Variants in WNK2 observed in about 807,000 individuals in gnomAD.
WNK2 encodes serine/threonine-protein kinase WNK2.
A neutral mutation model predicts 192.1 loss-of-function variants in WNK2; 67 were observed. The ratio of observed to expected loss-of-function variants is 0.35; its 90% confidence interval spans 0.29 to 0.43. The LOEUF (loss-of-function observed/expected upper bound fraction) is 0.43. WNK2 is among the 20% of genes least tolerant of loss of function. WNK2 has a pLI of 1.00. For synonymous variants in WNK2, 1,439 were observed against 1,393.9 expected (o/e 1.03, Z -0.72); for missense variants, 2,698 against 3,089.7 (o/e 0.87, Z 3.01).
At position 93,262,038 on chromosome 9, in the gene WNK2, G is replaced by A. The variant is rs551541572; in HGVS notation, c.3291G>A (p.Pro1097=). Residue 1097 remains proline (P), a synonymous_variant, in exon 13 of 30, where the codon CCG becomes CCA. Coordinates refer to ENST00000427277, the MANE Select transcript of WNK2 (RefSeq NM_006648.4). ...TATLLPPANP[P]LPGGPGIASP... ...CACTTCTGCCACCAGCAAACCCACCGCTGCCTGGCGGGCCCGGGATCGCCA... is the reference window on the plus strand; with the variant it reads ...CACTTCTGCCACCAGCAAACCCACCACTGCCTGGCGGGCCCGGGATCGCCA... The A allele has an allele frequency of 2.2e-5, 36 of 1,610,474 alleles. No individual in the cohort carries two copies. Among genetic ancestry groups the A allele is most frequent in the Non-Finnish European group, 2.8e-5 (33 of 1,178,358 alleles).
chr9:93,249,464 CA>C (rs140487471), intron 8 of WNK2, among the ~76,000 whole-genome samples: 2,350 of 152,228 alleles, frequency 0.015, 66 homozygotes, highest in African/African-American at 0.054. Context: ...CCATGCTTCT[CA>C]AAAACACTTT....
chr9:93,263,597 G>C lies in WNK2; in HGVS notation c.3442G>C (p.Glu1148Gln), dbSNP rs1844641936. 6.2e-7 allele frequency: 1 copy of C among 1,611,182 alleles called. No individual in the cohort carries two copies. Among genetic ancestry groups the C allele is most frequent in the South Asian group, 1.1e-5 (1 of 90,324 alleles). The change falls in exon 15 of 30, where the codon GAG (glutamate) becomes CAG (glutamine). Residue 1148 changes from glutamate (E) to glutamine (Q), a missense_variant. Physicochemically the swap from Glu to Gln is conservative, Grantham distance 29 (BLOSUM62 2). Around this residue, in one of 7 missense-constraint regions of WNK2, gnomAD observed 893 missense variants for 909.0 expected, o/e 0.98. Coordinates refer to ENST00000427277, the MANE Select transcript of WNK2 (RefSeq NM_006648.4). ...AGGTTCTGATGTCACTTCTGGAAAAGAGCTGAGTGACAGCTGTGAAGGCGC... is the reference window on the plus strand; with the variant it reads ...AGGTTCTGATGTCACTTCTGGAAAACAGCTGAGTGACAGCTGTGAAGGCGC... ...YGGSDVTSGK[E>Q]LSDSCEGAFG...
intron 2 of WNK2, among the ~76,000 whole-genome samples, chr9:93,217,675 C>T (rs1346774038): frequency 1.3e-5 from 2 of 152,222 alleles, no homozygotes; most frequent in Non-Finnish European, 2.9e-5. Flanking sequence ...CTGGGGCCAT[C>T]TGTTGGTGCC....
intron 23 of WNK2, among the ~76,000 whole-genome samples, chr9:93,295,284 C>T (rs888108818): frequency 4.6e-5 from 7 of 152,196 alleles, no homozygotes; most frequent in Middle Eastern, 3.4e-3. Flanking sequence ...CGCTCCCCTG[C>T]CCACGCAGCC....
At position 93,317,599 on chromosome 9, in the gene WNK2, G is replaced by A. The variant is rs1394178350; in HGVS notation, c.6596G>A (p.Gly2199Glu). ...CCTCTGTCCACCACGGTCATTCCCG[G>A]AGCCGCCCCGACCCTGTCCGTGCCC... ...PGPLSTTVIP[G>E]AAPTLSVPTP... Residue 2199 changes from glycine (G) to glutamate (E), a missense_variant, in exon 29 of 30, where the codon GGA (glycine) becomes GAA (glutamate). By Grantham distance (98) the Gly-to-Glu change is moderately conservative (BLOSUM62 -2). Around this residue, in one of 7 missense-constraint regions of WNK2, gnomAD observed 167 missense variants for 184.2 expected, o/e 0.91. Transcript: ENST00000427277. 2 of 1,613,152 alleles carry A rather than the reference G, an allele frequency of 1.2e-6. No homozygotes were observed. The highest frequency in any genetic ancestry group is 1.7e-6 in the Non-Finnish European group (2 of 1,179,852).
In WNK2 at chr9:93,186,081, A is replaced by G. The variant is rs114805494; in HGVS notation, c.681+471A>G. 7.0e-3 allele frequency among the ~76,000 whole-genome samples: 1,060 copies of G among 151,936 alleles called. 12 individuals carry two copies. The highest frequency in any genetic ancestry group is 0.025 in the African/African-American group (1,018 of 41,366). ...GGCTCTGGGCTGCCCATAAATTAGT[A>G]CTTTCCTGTGTCCAGCAAGCCGTGG... On this transcript the variant is annotated intron_variant, in intron 2 of 29. Transcript: ENST00000427277.
intron 5 of WNK2, 65 bp from the exon 6 acceptor site, chr9:93,238,168 C>T: frequency 6.8e-7 from 1 of 1,469,512 alleles, no homozygotes; most frequent in South Asian, 1.1e-5. Context: ...GTTCCTCCCA[C>T]TGTGGTGGAG....
At chr9:93,262,555 G>C in intron 13 of WNK2, 115 bp from the exon 14 acceptor site, 1 of 1,151,336 alleles carries the variant, frequency 8.7e-7, no homozygotes, top group East Asian at 2.5e-5. Context: ...GGAGAACGCA[G>C]CGGGGCAGGC....
intron 17 of WNK2, 33 bp downstream of exon 17, chr9:93,267,949 G>T (rs781725732): frequency 1.2e-6 from 2 of 1,609,816 alleles, no homozygotes; most frequent in South Asian, 2.2e-5. Flanking sequence ...GGGAGGTGGT[G>T]AGAGTGCAGT....
chr9:93,256,084 G>C (rs984224588), intron 9 of WNK2, among the ~76,000 whole-genome samples: 1 of 152,136 alleles, frequency 6.6e-6, no homozygotes, highest in Admixed American at 6.5e-5. Flanking sequence ...TGATGTGCCC[G>C]GGCACCCCTG....
chr9:93,235,592 C>T (rs1237138592), intron 5 of WNK2, among the ~76,000 whole-genome samples: 1 of 152,238 alleles, frequency 6.6e-6, no homozygotes, highest in Non-Finnish European at 1.5e-5. Flanking sequence ...GGAGGGAATG[C>T]AAACAGAACA....
intron 4 of WNK2, 131 bp from the exon 5 acceptor site, chr9:93,234,677 G>A (rs1839503681): frequency 3.7e-6 from 4 of 1,076,724 alleles, no homozygotes; most frequent in Non-Finnish European, 5.3e-6. Context: ...TGGGGTCCAG[G>A]TGTTCTGAGT....
At position 93,299,251 on chromosome 9, in the gene WNK2, G is replaced by T; in HGVS notation, c.6105G>T (p.Ala2035=). The T allele has an allele frequency of 1.9e-6, 3 of 1,566,942 alleles. No individual in the cohort carries two copies. The change falls in exon 25 of 30, where the codon GCG becomes GCT. Residue 2035 remains alanine, a synonymous_variant. Transcript: ENST00000427277. The part of the protein sequence containing the change: ...CSGLASDGGG[A]RGQGWTVYHP... The stretch of plus-strand genomic sequence containing the variant: ...GCTTAGCCAGTGATGGAGGCGGAGC[G>T]CGTGGCCAAGGTGATTTCCAGCTTG...
In WNK2 at chr9:93,308,176, C is replaced by T. The variant is rs1852955594; in HGVS notation, c.6260-152C>T. 10 of 1,413,388 alleles carry T rather than the reference C, an allele frequency of 7.1e-6. No homozygotes were observed. In the South Asian group the frequency reaches 7.5e-5, roughly 11 times the overall value. The allele number at this position is 1,413,388 out of a possible 1,614,324, so 87.6% of individuals were successfully genotyped here. A position where few individuals can be genotyped will look rare whatever the true frequency, so the allele number is the denominator to read the frequency against. ...CATGTCTGACCCTGGGCAGCCAGGCCCCTTAATCCGACCGCCTCTTGAAGC... is the reference window on the plus strand; with the variant it reads ...CATGTCTGACCCTGGGCAGCCAGGCTCCTTAATCCGACCGCCTCTTGAAGC... On this transcript the variant is annotated intron_variant, in intron 27 of 29. Transcript: ENST00000427277.
intron 11 of WNK2, among the ~76,000 whole-genome samples, chr9:93,258,288 G>C (rs1588237085): frequency 6.6e-6 from 1 of 152,226 alleles, no homozygotes; most frequent in African/African-American, 2.4e-5. Context: ...ATGCTGAGAA[G>C]AGAAGATACA....
chr9:93,236,385 G>A (rs183105400), intron 5 of WNK2, among the ~76,000 whole-genome samples: 102 of 152,290 alleles, frequency 6.7e-4, no homozygotes, highest in African/African-American at 1.9e-3. Flanking sequence ...GCAGGTGGGC[G>A]TGCCCCCACC....
Position 93,184,253 on chromosome 9 carries a change from T to C in WNK2, c.-135T>C, listed in dbSNP as rs1034151063. 6.6e-6 allele frequency among the ~76,000 whole-genome samples: 1 copy of C among 150,478 alleles called. No individual in the cohort carries two copies. The highest frequency in any genetic ancestry group is 2.4e-5 in the African/African-American group (1 of 41,064). On this transcript the variant is annotated 5_prime_UTR_variant, in exon 1 of 30. Coordinates refer to ENST00000427277, the MANE Select transcript of WNK2 (RefSeq NM_006648.4). ...GCCCGAGAGAGCAGCGCGCAGGAGC[T>C]GGAGCGGCGCCACGGCCCCCACCCC... is the stretch of plus-strand genomic sequence containing the variant.
In WNK2 at chr9:93,247,713, G is replaced by A; in HGVS notation, c.1713G>A (p.Leu571=). 1 of 1,561,188 alleles carries A rather than the reference G, an allele frequency of 6.4e-7. No individual in the cohort carries two copies. The highest frequency in any genetic ancestry group is 8.7e-7 in the Non-Finnish European group (1 of 1,153,192). The change falls in exon 8 of 30, where the codon CTG becomes CTA. Residue 571 remains leucine (L), a synonymous_variant. Coordinates refer to ENST00000427277, the MANE Select transcript of WNK2 (RefSeq NM_006648.4). This position sits in a 1 kb window ranked among gnomAD's most constrained non-coding sequence, Gnocchi z 5.2. The part of the protein sequence containing the change: ...PDKARGPPVP[L]QVQVTYHAQA... Reference sequence around the variant, plus strand: ...AGGCCAGGGGTCCGCCGGTGCCCCTGCAGGTCCAGGTGACCTACCATGCAC... The same window carrying A: ...AGGCCAGGGGTCCGCCGGTGCCCCTACAGGTCCAGGTGACCTACCATGCAC...
chr9:93,193,574 G>A (rs1830720167), intron 2 of WNK2, among the ~76,000 whole-genome samples: 1 of 152,232 alleles, frequency 6.6e-6, no homozygotes, highest in African/African-American at 2.4e-5. Context: ...GGAAAAGGGT[G>A]TGAACGGCAG....
Sources: allele counts gnomAD v4.1 joint callset (sites outside exome capture counted in the v4.1 genomes callset), GRCh38; gene constraint gnomAD v4.1.1; regional missense constraint gnomAD v4.1.1; non-coding constraint Gnocchi (gnomAD v3.1); transcripts MANE v1.5; gene names NCBI Gene and HGNC (gene_info 2026-07-23, HGNC 2026-07-21).